The following BDP1 variants were observed in gnomAD, a reference collection of about 807,000 sequenced individuals.
The protein encoded by BDP1 is transcription factor TFIIIB component B'' homolog.
Under a neutral mutation model 266.6 loss-of-function variants are expected in BDP1, and 169 were observed. The ratio of observed to expected loss-of-function variants is 0.63; its 90% CI spans 0.56 to 0.72. The LOEUF (loss-of-function observed/expected upper bound fraction) is 0.72, where lower values mean the gene tolerates loss of function less well. BDP1 is among the 30% of genes least tolerant of loss of function. The pLI is 0.00. For missense variants in BDP1, 3,015 were observed against 3,053.8 expected (o/e 0.99, Z 0.30); for synonymous variants, 1,090 against 1,022.4 (o/e 1.07, Z -1.26).
intron 7 of BDP1, among the ~76,000 whole-genome samples, chr5:71,479,844 C>G (rs66528760): frequency 0.44 from 67,552 of 151,968 alleles, 15,396 homozygotes; most frequent in South Asian, 0.55. Flanking sequence ...CCGTGCCCAG[C>G]CTTGACTTTT....
At chr5:71,516,367 C>T in intron 21 of BDP1, 96 bp downstream of exon 21, 1 of 879,080 alleles carries the variant, frequency 1.1e-6, no homozygotes, top group South Asian at 1.8e-5. Context: ...GCATCTGACA[C>T]TTATTCTACT....
At position 71,549,539 on chromosome 5, in the gene BDP1, C is replaced by CCG. The variant is rs766035777; in HGVS notation, c.6929_6930insGC (p.Asn2311GlnfsTer14). ...TACTGATGCCACTGCACAGTTCATG[C>CCG]CAAACCCTTTACTGCCAGCTCCCAT... On this transcript the variant is annotated frameshift_variant, in exon 34 of 39. Transcript: ENST00000358731. LOFTEE classifies it high-confidence loss of function. The CCG allele has an allele frequency of 3.1e-6, 5 of 1,613,692 alleles. No individual in the cohort carries two copies. The highest frequency in any genetic ancestry group is 1.7e-6 in the Non-Finnish European group (2 of 1,179,914).
chr5:71,544,259 T>A (rs1742088830), intron 30 of BDP1, 98 bp from the exon 31 acceptor site: 6 of 1,114,652 alleles, frequency 5.4e-6, no homozygotes, highest in Non-Finnish European at 7.7e-6. Context: ...GAAGAGTCAC[T>A]ATATAGGAAT....
At chr5:71,543,184 G>A (rs1767075011) in intron 30 of BDP1, among the ~76,000 whole-genome samples, 1 of 152,220 alleles carries the variant, frequency 6.6e-6, no homozygotes, top group South Asian at 2.1e-4. Flanking sequence ...AGGAGGCTGA[G>A]GTGGGAGTAT....
chr5:71,491,209 C>A, intron 11 of BDP1, 78 bp downstream of exon 11: 2 of 1,359,712 alleles, frequency 1.5e-6, no homozygotes, highest in Non-Finnish European at 2.0e-6. Flanking sequence ...CCATCTGTAA[C>A]TGTGGATTTG....
At chr5:71,466,318 C>A in intron 5 of BDP1, 97 bp downstream of exon 5, 1 of 1,323,070 alleles carries the variant, frequency 7.6e-7, no homozygotes, top group Non-Finnish European at 1.0e-6. Context: ...GCCTTTGTCA[C>A]TTAGACCTTG....
downstream of BDP1, among the ~76,000 whole-genome samples, chr5:71,572,465 G>C (rs556767809): frequency 2.0e-5 from 3 of 152,268 alleles, no homozygotes; most frequent in Non-Finnish European, 4.4e-5. Context: ...GGCGAATGGG[G>C]ACCCCGGGAT....
chr5:71,492,063 A>T (rs1763630696), intron 11 of BDP1, among the ~76,000 whole-genome samples: 1 of 152,178 alleles, frequency 6.6e-6, no homozygotes, highest in Non-Finnish European at 1.5e-5. Context: ...ACTTAATGTA[A>T]TGTCCTCAAG....
intron 1 of BDP1, 67 bp from the exon 2 acceptor site, chr5:71,458,512 G>T: frequency 1.6e-6 from 2 of 1,214,552 alleles, no homozygotes; most frequent in Non-Finnish European, 2.2e-6. Context: ...CACCAGACTA[G>T]GTTTTAAAAC....
At chr5:71,560,269 GCT>G in intron 37 of BDP1, 32 bp downstream of exon 37, 1 of 1,602,472 alleles carries the variant, frequency 6.2e-7, no homozygotes, top group Non-Finnish European at 8.5e-7. Context: ...TAAGTGTTTT[GCT>G]CTCTGTCTTA....
intron 26 of BDP1, among the ~76,000 whole-genome samples, chr5:71,533,377 C>T (rs1766372373): frequency 6.6e-6 from 1 of 151,922 alleles, no homozygotes; most frequent in Non-Finnish European, 1.5e-5. Flanking sequence ...TAGCTATACC[C>T]TTTTACATTC....
chr5:71,501,697 ACT>A (rs746779408), intron 14 of BDP1, 44 bp downstream of exon 14: 8 of 1,011,644 alleles, frequency 7.9e-6, no homozygotes, highest in Non-Finnish European at 1.0e-5. Context: ...AAAAAAAGTA[ACT>A]CTTAGGAATG....
chr5:71,470,265 A>G (rs902176810), intron 6 of BDP1, 130 bp from the exon 7 acceptor site: 22 of 666,628 alleles, frequency 3.3e-5, no homozygotes, highest in Non-Finnish European at 5.4e-5. Context: ...TATTTATAAT[A>G]AGGTGTTTTT....
Position 71,509,880 on chromosome 5 carries a change from G to A in BDP1, c.2788G>A (p.Glu930Lys), listed in dbSNP as rs200304584. ...CACTGAGGAAATAGACAAAGATTTG[G>A]AAGAAGCTGGAAGAAGAGAAATATC... ...DATEEIDKDLEEAGRREISPQ... is the reference protein window; with the variant it reads ...DATEEIDKDLKEAGRREISPQ... The change falls in exon 17 of 39, where the codon GAA (glutamate) becomes AAA (lysine). Residue 930 changes from glutamate (E) to lysine (K), a missense_variant. This residue lies in a region of BDP1 where 2,383 missense variants were observed against 2,404.9 expected (regional missense o/e 0.99). Transcript: ENST00000358731. 2,619 of 1,614,028 alleles carry A rather than the reference G, an allele frequency of 1.6e-3. 1 individual carries two copies. The highest frequency in any genetic ancestry group is 2.6e-3 in the Middle Eastern group (16 of 6,060).
Position 71,509,936 on chromosome 5 carries a change from G to A in BDP1, c.2844G>A (p.Lys948=). ...AGAAAAATGGCCCAGAGGAGGTTAA[G>A]CCTCTAGGTGAAGTGGAGACAGATT... ...SPQKNGPEEV[K]PLGEVETDLK... The change falls in exon 17 of 39, where the codon AAG becomes AAA. Residue 948 remains lysine, a synonymous_variant. Coordinates refer to ENST00000358731, the MANE Select transcript of BDP1 (RefSeq NM_018429.3). 1 of 1,613,934 alleles carries A rather than the reference G, an allele frequency of 6.2e-7. No homozygotes were observed. The highest frequency in any genetic ancestry group is 8.5e-7 in the Non-Finnish European group (1 of 1,179,992).
intron 13 of BDP1, among the ~76,000 whole-genome samples, chr5:71,499,520 G>T (rs1032694242): frequency 1.3e-5 from 2 of 152,108 alleles, no homozygotes; most frequent in African/African-American, 4.8e-5. Flanking sequence ...TCGGGAGTTT[G>T]AGGCAAAAGA....
intron 7 of BDP1, among the ~76,000 whole-genome samples, chr5:71,474,321 A>T: frequency 6.7e-6 from 1 of 148,422 alleles, no homozygotes; most frequent in Non-Finnish European, 1.5e-5. Context: ...GTGTCCCACA[A>T]ATTTTGATTT....
intron 16 of BDP1, among the ~76,000 whole-genome samples, chr5:71,508,640 A>G (rs910798125): frequency 5.3e-5 from 8 of 152,294 alleles, no homozygotes; most frequent in Admixed American, 5.2e-4. Flanking sequence ...TCAGTCCGAC[A>G]TGGCCGAATA....
rs1361363178 is a variant in BDP1 at position 71,562,726 on chromosome 5, C to T, written c.7743+206C>T. ...AGTTACAGTTAGATTAGTACAGAGCCATTGAACTAACCATAAATGGACACT... is the reference window on the plus strand; with the variant it reads ...AGTTACAGTTAGATTAGTACAGAGCTATTGAACTAACCATAAATGGACACT... On this transcript the variant is annotated intron_variant, in intron 38 of 38. Coordinates refer to ENST00000358731, the MANE Select transcript of BDP1 (RefSeq NM_018429.3). 2.7e-6 allele frequency: 4 copies of T among 1,472,350 alleles called. No homozygotes were observed. In the Admixed American group the frequency reaches 6.1e-5, roughly 22 times the overall value. 91.2% of individuals were successfully genotyped at this position (1,472,350 alleles called of 1,614,324 possible).
Sources: gnomAD v4.1 joint callset for allele counts (sites outside exome capture counted in the v4.1 genomes callset) on GRCh38, gnomAD v4.1.1 for gene constraint, gnomAD v4.1.1 regional missense constraint, MANE v1.5 for transcripts, NCBI Gene and HGNC (gene_info 2026-07-23, HGNC 2026-07-21) for gene names.